CLNK: variants seen among roughly 807,000 people sequenced by gnomAD.
CLNK encodes cytokine dependent hematopoietic cell linker, also known as cytokine-dependent hematopoietic cell linker.
CLNK carries 74 observed loss-of-function variants against 68.6 expected under a neutral mutation model. The ratio of observed to expected loss-of-function variants is 1.08; its 90% CI spans 0.89 to 1.31. The LOEUF (loss-of-function observed/expected upper bound fraction) is 1.31, where lower values mean the gene tolerates loss of function less well. CLNK is among the 50% of genes most tolerant of loss of function. The pLI is 0.00. For synonymous variants in CLNK, 198 were observed against 172.2 expected (o/e 1.15, Z -1.17); for missense variants, 553 against 515.3 (o/e 1.07, Z -0.71).
At chr4:10,616,490 CAAGTA>C (rs1722230247) in intron 2 of CLNK, among the ~76,000 whole-genome samples, 1 of 152,122 alleles carries the variant, frequency 6.6e-6, no homozygotes, top group Non-Finnish European at 1.5e-5. Flanking sequence ...CTCTGAAGAA[CAAGTA>C]AAGTCCTCAT....
At chr4:10,539,956 G>A (rs1248709203) in intron 11 of CLNK, among the ~76,000 whole-genome samples, 3 of 152,172 alleles carry the variant, frequency 2.0e-5, no homozygotes, top group Non-Finnish European at 4.4e-5. Flanking sequence ...AACTCATTTT[G>A]TTACAGAGAA....
intron 2 of CLNK, among the ~76,000 whole-genome samples, chr4:10,626,179 G>T (rs1174205712): frequency 6.6e-6 from 1 of 152,182 alleles, no homozygotes; most frequent in African/African-American, 2.4e-5. Flanking sequence ...TCCCCATAGA[G>T]CTGGGGAAGT....
intron 2 of CLNK, among the ~76,000 whole-genome samples, chr4:10,601,262 C>T (rs1721581773): frequency 6.6e-6 from 1 of 152,048 alleles, no homozygotes; most frequent in African/African-American, 2.4e-5. Flanking sequence ...CAGCGCAGGC[C>T]CAGCTGGAAG....
At position 10,488,895 on chromosome 4, in the gene CLNK, ATACTC is replaced by A. The variant is rs1228359924; in HGVS notation, c.*1567_*1571del. 3 of 152,202 alleles carry A rather than the reference ATACTC, an allele frequency of 2.0e-5. No individual in the cohort carries two copies. The highest frequency in any genetic ancestry group is 7.2e-5 in the African/African-American group (3 of 41,440). 9.4% of individuals were successfully genotyped at this position (152,202 alleles called of 1,614,324 possible). On this transcript the variant is annotated 3_prime_UTR_variant, in exon 19 of 19. Coordinates refer to ENST00000226951, the MANE Select transcript of CLNK (RefSeq NM_052964.4). Reference sequence around the variant, plus strand: ...CTGCATCAATGCTACAATTACATAAATACTCTATGAATTTCCTTTGTAAGCTTTGG... The same window carrying A: ...CTGCATCAATGCTACAATTACATAAATATGAATTTCCTTTGTAAGCTTTGG...
In CLNK at chr4:10,625,687, GAGAC is replaced by G. The variant is rs1357343116; in HGVS notation, c.12-27642_12-27639del. Among the ~76,000 whole-genome samples, 21 of 152,258 alleles carry G rather than the reference GAGAC, an allele frequency of 1.4e-4. No individual in the cohort carries two copies. In the East Asian group the frequency reaches 2.3e-3, roughly 17 times the overall value. Reference sequence around the variant, plus strand: ...ACAGAGAGAGAGCAACAGAGTGACAGAGACAGACAGGCAGAGATAGAGAGAGGCA... The same window carrying G: ...ACAGAGAGAGAGCAACAGAGTGACAGAGACAGGCAGAGATAGAGAGAGGCA... On this transcript the variant is annotated intron_variant, in intron 2 of 18. Transcript: ENST00000226951.
intron 17 of CLNK, among the ~76,000 whole-genome samples, chr4:10,506,097 C>T (rs1274938384): frequency 6.6e-6 from 1 of 152,112 alleles, no homozygotes; most frequent in African/African-American, 2.4e-5. Context: ...AACTTCTAAG[C>T]AATCTCGTAT....
chr4:10,674,037 A>C (rs1208859288), intron 1 of CLNK, among the ~76,000 whole-genome samples: 2 of 152,166 alleles, frequency 1.3e-5, no homozygotes, highest in African/African-American at 4.8e-5. Context: ...AATGACACTG[A>C]GGTGTCATCT....
At chr4:10,577,259 G>A (rs1720602457) in intron 4 of CLNK, among the ~76,000 whole-genome samples, 1 of 152,188 alleles carries the variant, frequency 6.6e-6, no homozygotes, top group South Asian at 2.1e-4. Context: ...AGTGGAGAAG[G>A]GGAGGAGAGG....
intron 18 of CLNK, among the ~76,000 whole-genome samples, chr4:10,493,720 A>G (rs1006829555): frequency 6.6e-6 from 1 of 152,128 alleles, no homozygotes; most frequent in Non-Finnish European, 1.5e-5. Context: ...CCATTGTCCA[A>G]TGGGGAGATT....
At chr4:10,644,459 A>C (rs773755053) in intron 2 of CLNK, among the ~76,000 whole-genome samples, 4 of 152,198 alleles carry the variant, frequency 2.6e-5, no homozygotes, top group Non-Finnish European at 5.9e-5. Flanking sequence ...AGATGAGAAA[A>C]GTGAGACACA....
intron 2 of CLNK, among the ~76,000 whole-genome samples, chr4:10,637,091 G>C (rs892311726): frequency 6.6e-6 from 1 of 152,174 alleles, no homozygotes; most frequent in African/African-American, 2.4e-5. Context: ...GACACGAGAA[G>C]AGCAAATAAA....
chr4:10,555,478 A>C (rs1719632503), intron 8 of CLNK, among the ~76,000 whole-genome samples: 1 of 152,224 alleles, frequency 6.6e-6, no homozygotes, highest in Non-Finnish European at 1.5e-5. Flanking sequence ...GTCACACATA[A>C]CTTGTATTGT....
chr4:10,680,107 G>A (rs572733609), intron 1 of CLNK, among the ~76,000 whole-genome samples: 6 of 151,904 alleles, frequency 3.9e-5, no homozygotes, highest in South Asian at 2.1e-4. Context: ...ACAAAGACTC[G>A]GAACCAACCT....
chr4:10,547,072 C>T (rs1719259998), intron 8 of CLNK, among the ~76,000 whole-genome samples: 1 of 152,148 alleles, frequency 6.6e-6, no homozygotes, highest in Admixed American at 6.5e-5. Flanking sequence ...GGGCAGAGCA[C>T]TCATGATCCA....
At chr4:10,680,549 A>G (rs2108903174) in intron 1 of CLNK, among the ~76,000 whole-genome samples, 1 of 152,268 alleles carries the variant, frequency 6.6e-6, no homozygotes, top group Middle Eastern at 3.4e-3. Context: ...AAAAGGGACA[A>G]AGGCCAAGAA....
At chr4:10,492,344 G>T (rs150966658) in intron 18 of CLNK, among the ~76,000 whole-genome samples, 1 of 152,118 alleles carries the variant, frequency 6.6e-6, no homozygotes, top group Non-Finnish European at 1.5e-5. Context: ...GGGCTACTCT[G>T]CCTCTGATTT....
intron 11 of CLNK, among the ~76,000 whole-genome samples, chr4:10,537,678 T>TTCCTTC (rs1718836000): frequency 4.7e-4 from 18 of 38,530 alleles, no homozygotes; most frequent in East Asian, 1.7e-3. Context: ...TTTCTTTCTT[T>TTCCTTC]CTTCCTTCCT....
chr4:10,563,254 A>G (rs1299666794), intron 7 of CLNK, among the ~76,000 whole-genome samples: 1 of 152,234 alleles, frequency 6.6e-6, no homozygotes, highest in Non-Finnish European at 1.5e-5. Flanking sequence ...CAAACTAAAA[A>G]AGAATAGTGA....
intron 2 of CLNK, among the ~76,000 whole-genome samples, chr4:10,650,014 C>A (rs1723664973): frequency 6.6e-6 from 1 of 151,966 alleles, no homozygotes; most frequent in Non-Finnish European, 1.5e-5. Flanking sequence ...TTAGTGGACA[C>A]ATGAACAAAG....
Sources: allele counts gnomAD v4.1 joint callset (sites outside exome capture counted in the v4.1 genomes callset), GRCh38; gene constraint gnomAD v4.1.1; transcripts MANE v1.5; gene names NCBI Gene and HGNC (gene_info 2026-07-23, HGNC 2026-07-21).